VIT: variants seen among roughly 807,000 people sequenced by gnomAD.
The protein encoded by VIT is vitrin.
A neutral mutation model predicts 78.0 loss-of-function variants in VIT; 99 were observed. The observed-to-expected ratio is 1.27, with a 90% CI of 1.08 to 1.50. The LOEUF (loss-of-function observed/expected upper bound fraction) is 1.50. Among genes scored for constraint, VIT ranks in the 40% most tolerant of loss-of-function variants. VIT has a pLI of 0.00. For missense variants in VIT, 1,126 were observed against 875.3 expected, an observed-to-expected ratio of 1.29 and a Z score of -3.61; for synonymous variants, 374 against 334.3, an observed-to-expected ratio of 1.12 and a Z score of -1.29.
intron 13 of VIT, among the ~76,000 whole-genome samples, chr2:36,803,617 G>T (rs929640): frequency 6.6e-6 from 1 of 152,196 alleles, no homozygotes; most frequent in African/African-American, 2.4e-5. Context: ...TCCTTAGCAA[G>T]TGGGTTCTGT....
intron 4 of VIT, among the ~76,000 whole-genome samples, chr2:36,751,241 T>A (rs555573595): frequency 6.6e-6 from 1 of 151,978 alleles, no homozygotes; most frequent in African/African-American, 2.4e-5. Context: ...ACTAAAAATA[T>A]GAAAATCAGC....
At chr2:36,709,036 G>C (rs984002414) in intron 1 of VIT, among the ~76,000 whole-genome samples, 20 of 152,176 alleles carry the variant, frequency 1.3e-4, no homozygotes, top group African/African-American at 4.8e-4. Flanking sequence ...TGTAATCCCA[G>C]CTACTTGGGA....
chr2:36,808,631 G>A lies in VIT; in HGVS notation c.1549G>A (p.Gly517Ser), dbSNP rs563567898. 9 of 1,614,212 alleles carry A rather than the reference G, an allele frequency of 5.6e-6. No homozygotes were observed. The highest frequency in any genetic ancestry group is 2.7e-5 in the African/African-American group (2 of 75,058). ...GGCTGACATTGGCTTCGTCATCGAC[G>A]GCTCCAGCAGTGTGGGGACGGGCAA... Reference protein sequence around the residue: ...NSADIGFVIDGSSSVGTGNFR... With the variant: ...NSADIGFVIDSSSSVGTGNFR... The change falls in exon 15 of 16, where the codon GGC (glycine) becomes AGC (serine). Residue 517 changes from glycine to serine, a missense_variant. Coordinates refer to ENST00000379242, the MANE Select transcript of VIT (RefSeq NM_053276.4).
Position 36,808,784 on chromosome 2 carries a change from A to C in VIT, c.1702A>C (p.Ser568Arg), listed in dbSNP as rs768481950. The change falls in exon 15 of 16, where the codon AGC (serine) becomes CGC (arginine). Residue 568 changes from serine (S) to arginine (R), a missense_variant. Physicochemically the swap from Ser to Arg is moderately radical, Grantham distance 110. Transcript: ENST00000379242. ...QRLEFGFDKY[S>R]SKPDILNAIK... The stretch of plus-strand genomic sequence containing the variant: ...GCTGGAGTTTGGGTTCGACAAGTAC[A>C]GCAGCAAGCCTGACATCCTCAACGC... 2 of 1,614,114 alleles carry C rather than the reference A, an allele frequency of 1.2e-6. No individual in the cohort carries two copies. The highest frequency in any genetic ancestry group is 1.1e-5 in the South Asian group (1 of 91,082).
intron 14 of VIT, among the ~76,000 whole-genome samples, chr2:36,806,785 G>A (rs181233275): frequency 6.6e-6 from 1 of 151,942 alleles, no homozygotes; most frequent in South Asian, 2.1e-4. Flanking sequence ...GGATGGTCTC[G>A]ATCTCCTGAC....
chr2:36,765,654 A>C (rs1051028874), intron 6 of VIT, among the ~76,000 whole-genome samples: 1 of 152,112 alleles, frequency 6.6e-6, no homozygotes, highest in Non-Finnish European at 1.5e-5. Flanking sequence ...ACGACGGAGC[A>C]GAGAAACAAC....
chr2:36,768,713 G>T (rs1258177179), intron 7 of VIT, among the ~76,000 whole-genome samples: 1 of 152,086 alleles, frequency 6.6e-6, no homozygotes, highest in Non-Finnish European at 1.5e-5. Flanking sequence ...TGCCAAAAAT[G>T]AACACCCCAG....
intron 2 of VIT, among the ~76,000 whole-genome samples, chr2:36,718,816 C>T: frequency 6.6e-6 from 1 of 152,160 alleles, no homozygotes; most frequent in East Asian, 1.9e-4. Context: ...ATATGCCTGG[C>T]TTACTTTAGC....
intron 11 of VIT, among the ~76,000 whole-genome samples, chr2:36,784,151 C>G (rs573361599): frequency 6.6e-6 from 1 of 152,118 alleles, no homozygotes; most frequent in East Asian, 1.9e-4. Flanking sequence ...AAAGGAAGAA[C>G]CAGAGAAAAA....
At chr2:36,797,927 G>A (rs561995226) in intron 12 of VIT, among the ~76,000 whole-genome samples, 2 of 152,324 alleles carry the variant, frequency 1.3e-5, no homozygotes, top group East Asian at 3.9e-4. Flanking sequence ...GTCAGCTGGG[G>A]CTGGGAGTAA....
At position 36,775,998 on chromosome 2, in the gene VIT, C is replaced by T. The variant is rs539995172; in HGVS notation, c.802+931C>T. Among the ~76,000 whole-genome samples the T allele has an allele frequency of 8.6e-4, 131 of 152,298 alleles. 1 individual carries two copies. Among genetic ancestry groups the T allele is most frequent in the African/African-American group, 2.9e-3 (120 of 41,556 alleles). The stretch of plus-strand genomic sequence containing the variant: ...CTGCCCAGTTCCTCAGCTATAAAAT[C>T]GTCAGATTATGGAATTGGAAAGAAT... On this transcript the variant is annotated intron_variant, in intron 9 of 15. Coordinates refer to ENST00000379242, the MANE Select transcript of VIT (RefSeq NM_053276.4).
intron 15 of VIT, among the ~76,000 whole-genome samples, chr2:36,811,800 G>A (rs1308215018): frequency 1.3e-5 from 2 of 151,820 alleles, no homozygotes; most frequent in Non-Finnish European, 2.9e-5. Flanking sequence ...AGTCTCCCGA[G>A]TAGCTGGAAT....
At chr2:36,782,298 A>G (rs189387928) in intron 10 of VIT, among the ~76,000 whole-genome samples, 15 of 152,318 alleles carry the variant, frequency 9.8e-5, no homozygotes, top group African/African-American at 3.4e-4. Context: ...CCTTCCTCCA[A>G]CGCAGAGTCT....
At chr2:36,810,186 G>C (rs1667053154) in intron 15 of VIT, among the ~76,000 whole-genome samples, 1 of 152,124 alleles carries the variant, frequency 6.6e-6, no homozygotes, top group Non-Finnish European at 1.5e-5. Context: ...AGCTACTCAG[G>C]AGGCTGAGGC....
intron 12 of VIT, among the ~76,000 whole-genome samples, chr2:36,799,218 A>C (rs1307861451): frequency 6.6e-6 from 1 of 152,166 alleles, no homozygotes; most frequent in Non-Finnish European, 1.5e-5. Context: ...GGGATGGAGG[A>C]AAGGAAGCGG....
chr2:36,764,933 T>A (rs1036198078), intron 6 of VIT, among the ~76,000 whole-genome samples: 1 of 151,948 alleles, frequency 6.6e-6, no homozygotes, highest in Non-Finnish European at 1.5e-5. Context: ...TTATTTCAGA[T>A]GCTATCTTCT....
chr2:36,775,906 C>T (rs536135708), intron 9 of VIT, among the ~76,000 whole-genome samples: 1 of 152,310 alleles, frequency 6.6e-6, no homozygotes, highest in African/African-American at 2.4e-5. Context: ...CAGGTAAGAA[C>T]ATTTGGAGTT....
chr2:36,777,880 A>G (rs1481184906), intron 9 of VIT, among the ~76,000 whole-genome samples: 2 of 152,224 alleles, frequency 1.3e-5, no homozygotes, highest in South Asian at 2.1e-4. Context: ...AATATATCAC[A>G]TGGGGCAACC....
chr2:36,811,185 C>T (rs1667141000), intron 15 of VIT, among the ~76,000 whole-genome samples: 1 of 152,134 alleles, frequency 6.6e-6, no homozygotes, highest in Non-Finnish European at 1.5e-5. Context: ...AGGCTCATAT[C>T]AGCAGATTGA....
Sources: gnomAD v4.1 joint callset for allele counts (sites outside exome capture counted in the v4.1 genomes callset) on GRCh38, gnomAD v4.1.1 for gene constraint, MANE v1.5 for transcripts, NCBI Gene and HGNC (gene_info 2026-07-23, HGNC 2026-07-21) for gene names.